Variants in FUBP1 observed in about 807,000 individuals in gnomAD.
The protein encoded by FUBP1 is far upstream element binding protein 1, also known as far upstream element-binding protein 1.
FUBP1 carries 16 observed loss-of-function variants against 94.9 expected under a neutral mutation model. That is an observed-to-expected ratio of 0.17 (90% CI 0.11 to 0.26). The LOEUF (loss-of-function observed/expected upper bound fraction) is 0.26. Among genes scored for constraint, FUBP1 ranks in the 10% least tolerant of loss-of-function variants. FUBP1 has a pLI of 1.00. For missense variants in FUBP1, 583 were observed against 808.6 expected (o/e 0.72, Z 3.38); for synonymous variants, 279 against 254.9 (o/e 1.09, Z -0.90).
chr1:77,955,311 G>T lies in FUBP1; in HGVS notation c.1724C>A (p.Ala575Asp). 6.4e-7 allele frequency: 1 copy of T among 1,571,748 alleles called. No individual in the cohort carries two copies. The highest frequency in any genetic ancestry group is 8.8e-7 in the Non-Finnish European group (1 of 1,141,584). Residue 575 changes from alanine (A) to aspartate (D), a missense_variant, in exon 18 of 20, where the codon GCC becomes GAC. Coordinates refer to ENST00000370768, the MANE Select transcript of FUBP1 (RefSeq NM_003902.5). ...GGTATAATCAACCTGTCCAGCTGGGGCTGGATTCTGCTGATCTCCTTGTTC... is the reference window on the plus strand; with the variant it reads ...GGTATAATCAACCTGTCCAGCTGGGTCTGGATTCTGCTGATCTCCTTGTTC... ...TNGQGDQQNP[A>D]PAGQVDYTKA... is the part of the protein sequence containing the mutation.
chr1:77,954,518 C>A (rs1326071441), intron 18 of FUBP1, among the ~76,000 whole-genome samples: 1 of 152,148 alleles, frequency 6.6e-6, no homozygotes, highest in Non-Finnish European at 1.5e-5. Flanking sequence ...AGATTAAAAT[C>A]ATCACCTTTC....
Position 77,945,205 on chromosome 1 carries a change from A to AT in FUBP1, c.*3560dup, listed in dbSNP as rs202121047. Among the ~76,000 whole-genome samples the AT allele has an allele frequency of 3.3e-3, 499 of 151,350 alleles. 1 individual carries two copies. Among genetic ancestry groups the AT allele is most frequent in the Middle Eastern group, 0.01 (3 of 292 alleles). On this transcript the variant is annotated 3_prime_UTR_variant, in exon 20 of 20. Transcript: ENST00000370768. The stretch of plus-strand genomic sequence containing the variant: ...TATCTATTATCATCAATCTATCTGT[A>AT]TTTTTTTTTATAAAAATGCAATCTA...
At chr1:77,952,514 G>C (rs1653672220) in intron 18 of FUBP1, among the ~76,000 whole-genome samples, 1 of 152,036 alleles carries the variant, frequency 6.6e-6, no homozygotes, top group South Asian at 2.1e-4. Context: ...CTAGGATGGG[G>C]AATCAGGAAA....
chr1:77,974,002 T>C (rs1420164070), intron 1 of FUBP1, among the ~76,000 whole-genome samples: 2 of 152,118 alleles, frequency 1.3e-5, no homozygotes, highest in Non-Finnish European at 2.9e-5. Flanking sequence ...GGCTCACTTA[T>C]GCAACTACAT....
chr1:77,969,912 G>A lies in FUBP1; in HGVS notation c.211+13C>T, dbSNP rs200297773. ...TCTGAAAAACAATTTAAAATACTTA[G>A]AGTATAACTTACCTCCATCTTCTAA... On this transcript the variant is annotated intron_variant, in intron 2 of 19. Transcript: ENST00000370768. 2.8e-5 allele frequency: 33 copies of A among 1,171,332 alleles called. No individual in the cohort carries two copies. The highest frequency in any genetic ancestry group is 1.5e-4 in the Admixed American group (8 of 52,162). The allele number at this position is 1,171,332 out of a possible 1,614,324, so 72.6% of individuals were successfully genotyped here. A position where few individuals can be genotyped will look rare whatever the true frequency, so the allele number is the denominator to read the frequency against.
intron 1 of FUBP1, among the ~76,000 whole-genome samples, chr1:77,975,900 C>T (rs1331189209): frequency 6.6e-6 from 1 of 151,744 alleles, no homozygotes; most frequent in Non-Finnish European, 1.5e-5. Context: ...AGATTGGCAA[C>T]TAAATGACCA....
chr1:77,960,063 T>C (rs1655171278), intron 16 of FUBP1, 121 bp downstream of exon 16: 3 of 716,510 alleles, frequency 4.2e-6, no homozygotes, highest in Middle Eastern at 3.1e-4. Flanking sequence ...CCTAACACTG[T>C]TGAAAGAGTA....
rs1045939969 is a variant in FUBP1, at chr1:77,958,035, G to A, written c.1577-1335C>T. ...TCCAACTCCTGACCTCAAGTGATCC[G>A]CCCGCCTCAGCCTTCCGAAGTGCTA... On this transcript the variant is annotated intron_variant, in intron 16 of 19. Transcript: ENST00000370768. Among the ~76,000 whole-genome samples the A allele has an allele frequency of 2.6e-5, 4 of 151,906 alleles. 1 individual carries two copies. In the East Asian group the frequency reaches 7.7e-4, roughly 29 times the overall value.
chr1:77,947,802 C>T lies in FUBP1; in HGVS notation c.*964G>A, dbSNP rs116342012. On this transcript the variant is annotated 3_prime_UTR_variant, in exon 20 of 20. Coordinates refer to ENST00000370768, the MANE Select transcript of FUBP1 (RefSeq NM_003902.5). ...CATAAAGAAAAAAAAAAAGCTTGAACGTTTCCATACCCCATTTATGTTTCA... is the reference window on the plus strand; with the variant it reads ...CATAAAGAAAAAAAAAAAGCTTGAATGTTTCCATACCCCATTTATGTTTCA... 8.5e-6 allele frequency: 8 copies of T among 944,420 alleles called. No homozygotes were observed. Among genetic ancestry groups the T allele is most frequent in the East Asian group, 8.7e-5 (2 of 22,862 alleles). The allele number at this position is 944,420 out of a possible 1,614,324, so 58.5% of individuals were successfully genotyped here. A position where few individuals can be genotyped will look rare whatever the true frequency, so the allele number is the denominator to read the frequency against.
intron 4 of FUBP1, among the ~76,000 whole-genome samples, chr1:77,967,401 T>TG (rs1656710613): frequency 6.6e-6 from 1 of 152,084 alleles, no homozygotes; most frequent in South Asian, 2.1e-4. Context: ...AATTCACCCC[T>TG]GTTCTTCTAA....
chr1:77,974,459 G>C (rs568511763), intron 1 of FUBP1, among the ~76,000 whole-genome samples: 7 of 152,062 alleles, frequency 4.6e-5, no homozygotes, highest in Admixed American at 3.3e-4. Flanking sequence ...TATAGAAACA[G>C]GGTTTCACCA....
At chr1:77,951,142 G>T (rs1421755325) in intron 18 of FUBP1, among the ~76,000 whole-genome samples, 1 of 152,158 alleles carries the variant, frequency 6.6e-6, no homozygotes, top group Non-Finnish European at 1.5e-5. Flanking sequence ...AACCAAACCT[G>T]ATCAAGGTAG....
rs189156843 is a variant in FUBP1, at chr1:77,971,677, T to C, written c.121-1662A>G. Among the ~76,000 whole-genome samples, 6 of 151,544 alleles carry C rather than the reference T, an allele frequency of 4.0e-5. No homozygotes were observed. The East Asian group carries it at 9.7e-4, about 24-fold the overall frequency. ...TGCAAACACCTACCACAAAGATTAT[T>C]AGGATCAAGTACTAGATTGCTTGAT... is the stretch of plus-strand genomic sequence containing the variant. On this transcript the variant is annotated intron_variant, in intron 1 of 19. Coordinates refer to ENST00000370768, the MANE Select transcript of FUBP1 (RefSeq NM_003902.5).
chr1:77,967,487 C>A, intron 4 of FUBP1, 140 bp downstream of exon 4: 1 of 620,544 alleles, frequency 1.6e-6, no homozygotes, highest in Non-Finnish European at 2.8e-6. Flanking sequence ...CTTTATGGTA[C>A]CTTCCCAAGG....
intron 17 of FUBP1, among the ~76,000 whole-genome samples, chr1:77,956,321 G>T (rs1654450026): frequency 6.6e-6 from 1 of 152,194 alleles, no homozygotes; most frequent in South Asian, 2.1e-4. Context: ...ACACATGTAT[G>T]ATATAGATGG....
intron 16 of FUBP1, among the ~76,000 whole-genome samples, chr1:77,958,265 A>G (rs939890498): frequency 6.6e-6 from 1 of 152,218 alleles, no homozygotes; most frequent in African/African-American, 2.4e-5. Context: ...AGAATTTACT[A>G]AATATTCACT....
At chr1:77,957,092 A>T (rs949374311) in intron 16 of FUBP1, among the ~76,000 whole-genome samples, 1 of 152,218 alleles carries the variant, frequency 6.6e-6, no homozygotes, top group African/African-American at 2.4e-5. Context: ...ATTTCTAGGG[A>T]CTAACCTGTA....
chr1:77,947,398 C>A lies in FUBP1; in HGVS notation c.*1368G>T. 3.7e-6 allele frequency: 2 copies of A among 539,184 alleles called. No individual in the cohort carries two copies. Among genetic ancestry groups the A allele is most frequent in the South Asian group, 1.6e-5 (1 of 64,342 alleles). The allele number at this position is 539,184 out of a possible 1,614,324, so 33.4% of individuals were successfully genotyped here. Reference sequence around the variant, plus strand: ...CGTATGGCATTTGCATTATGTGGAACATTGACAAAAAGATACTGTTGCAGT... The same window carrying A: ...CGTATGGCATTTGCATTATGTGGAAAATTGACAAAAAGATACTGTTGCAGT... On this transcript the variant is annotated 3_prime_UTR_variant, in exon 20 of 20. Coordinates refer to ENST00000370768, the MANE Select transcript of FUBP1 (RefSeq NM_003902.5).
At position 77,978,969 on chromosome 1, in the gene FUBP1, A is replaced by G; in HGVS notation, c.36T>C (p.Ser12=). 2 of 1,612,506 alleles carry G rather than the reference A, an allele frequency of 1.2e-6. No homozygotes were observed. The highest frequency in any genetic ancestry group is 2.7e-5 in the African/African-American group (2 of 74,918). Residue 12 remains serine (S), a synonymous_variant, in exon 1 of 20, where the codon TCT becomes TCC. Coordinates refer to ENST00000370768, the MANE Select transcript of FUBP1 (RefSeq NM_003902.5). ...CGCCACCACCGCCACCAGCTGAGCC[A>G]GAAGAGGGGGGAGGCACTGTTGAAT... is the stretch of plus-strand genomic sequence containing the variant. ...ADYSTVPPPS[S]GSAGGGGGGG...
Sources: gnomAD v4.1 joint callset for allele counts (sites outside exome capture counted in the v4.1 genomes callset) on GRCh38, gnomAD v4.1.1 for gene constraint, MANE v1.5 for transcripts, NCBI Gene and HGNC (gene_info 2026-07-23, HGNC 2026-07-21) for gene names.